The following TMEM132D variants were observed in gnomAD, a reference collection of about 807,000 sequenced individuals.
The protein encoded by TMEM132D is mature OL transmembrane protein.
In TMEM132D, 21 loss-of-function variants were observed where a neutral mutation model predicts 62.3. That is an observed-to-expected ratio of 0.34 (90% CI 0.24 to 0.49). The LOEUF is 0.49. Ranked by LOEUF, TMEM132D falls within the 20% of genes least tolerant of loss-of-function variation. The pLI is 0.99. For missense variants in TMEM132D, 1,346 were observed against 1,402.8 expected (o/e 0.96, Z 0.65); for synonymous variants, 621 against 575.6 (o/e 1.08, Z -1.13).
chr12:129,328,383 C>T (rs980999452), intron 4 of TMEM132D, among the ~76,000 whole-genome samples: 3 of 152,192 alleles, frequency 2.0e-5, no homozygotes, highest in Admixed American at 2.0e-4. Flanking sequence ...AAATGAGTTA[C>T]ATCATAGCTT....
chr12:129,074,871 C>A lies in TMEM132D; in HGVS notation c.2304G>T (p.Lys768Asn), dbSNP rs1165636190. The A allele has an allele frequency of 6.2e-7, 1 of 1,614,018 alleles. No homozygotes were observed. Among genetic ancestry groups the A allele is most frequent in the Non-Finnish European group, 8.5e-7 (1 of 1,180,014 alleles). Residue 768 changes from lysine (K) to asparagine (N), a missense_variant, in exon 9 of 9, where the codon AAG becomes AAT. Lys to Asn is a moderately conservative substitution (Grantham distance 94). Coordinates refer to ENST00000422113, the MANE Select transcript of TMEM132D (RefSeq NM_133448.3). ...AETEGQGTLV[K>N]VEMVISESCQ... ...AGGATTCACTAATAACCATTTCCAC[C>A]TTGACCAGGGTGCCTTGTCCTTCTG... is the stretch of plus-strand genomic sequence containing the variant.
At chr12:129,440,474 C>T (rs1476492289) in intron 3 of TMEM132D, among the ~76,000 whole-genome samples, 1 of 152,150 alleles carries the variant, frequency 6.6e-6, no homozygotes, top group African/African-American at 2.4e-5. Context: ...GATCATGTGG[C>T]GCGTGGAGGC....
At chr12:129,576,995 T>G (rs1241698292) in intron 2 of TMEM132D, among the ~76,000 whole-genome samples, 2 of 151,812 alleles carry the variant, frequency 1.3e-5, no homozygotes, top group Non-Finnish European at 2.9e-5. Flanking sequence ...CTACAGCACA[T>G]CCCAAGCAGT....
At chr12:129,619,112 C>G (rs189832587) in intron 2 of TMEM132D, among the ~76,000 whole-genome samples, 320 of 152,272 alleles carry the variant, frequency 2.1e-3, no homozygotes, top group Non-Finnish European at 2.5e-3. Context: ...TCTTATCAGA[C>G]TTAAGGTCAG....
chr12:129,426,865 A>G (rs538903787), intron 3 of TMEM132D, among the ~76,000 whole-genome samples: 46 of 152,350 alleles, frequency 3.0e-4, no homozygotes, highest in African/African-American at 1.1e-3. Flanking sequence ...CTGTGCATGC[A>G]GCACGCCTTC....
chr12:129,702,836 G>A (rs1352955844), intron 1 of TMEM132D, among the ~76,000 whole-genome samples: 1 of 152,234 alleles, frequency 6.6e-6, no homozygotes. Context: ...TGTGGATTAT[G>A]CTTTTTATGT....
At chr12:129,418,481 G>A (rs548811041) in intron 3 of TMEM132D, among the ~76,000 whole-genome samples, 159 of 152,150 alleles carry the variant, frequency 1.0e-3, no homozygotes, top group Middle Eastern at 3.4e-3. Flanking sequence ...AACACCACAC[G>A]TTCTCACTCA....
chr12:129,429,164 C>T (rs960610403), intron 3 of TMEM132D, among the ~76,000 whole-genome samples: 1 of 149,730 alleles, frequency 6.7e-6, no homozygotes, highest in Non-Finnish European at 1.5e-5. Flanking sequence ...GTCCAAAGTC[C>T]TTCAAGTTCC....
At chr12:129,528,467 T>C (rs1212481393) in intron 3 of TMEM132D, among the ~76,000 whole-genome samples, 1 of 150,012 alleles carries the variant, frequency 6.7e-6, no homozygotes, top group African/African-American at 2.4e-5. Flanking sequence ...ACAGTTCAAA[T>C]GGTTCACTGT....
At chr12:129,715,515 C>T (rs116498785) in intron 1 of TMEM132D, among the ~76,000 whole-genome samples, 1,772 of 152,236 alleles carry the variant, frequency 0.012, 41 homozygotes, top group African/African-American at 0.039. Context: ...TGTAGATAAC[C>T]GATACCAATT....
intron 1 of TMEM132D, among the ~76,000 whole-genome samples, chr12:129,790,630 G>T (rs1478694707): frequency 6.6e-6 from 1 of 152,156 alleles, no homozygotes; most frequent in Admixed American, 6.5e-5. Flanking sequence ...GGATGGGGGG[G>T]CAGGGCAGGC....
At chr12:129,563,885 C>A (rs554306651) in intron 2 of TMEM132D, among the ~76,000 whole-genome samples, 2 of 152,058 alleles carry the variant, frequency 1.3e-5, no homozygotes, top group African/African-American at 4.8e-5. Context: ...GCTGACATGG[C>A]GGTACTGCAT....
At chr12:129,567,215 A>T (rs1877390156) in intron 2 of TMEM132D, among the ~76,000 whole-genome samples, 1 of 152,238 alleles carries the variant, frequency 6.6e-6, no homozygotes, top group Non-Finnish European at 1.5e-5. Flanking sequence ...TTAAAAGAAA[A>T]TGTGATTTTT....
At chr12:129,484,931 CT>C (rs1874538989) in intron 3 of TMEM132D, among the ~76,000 whole-genome samples, 1 of 152,164 alleles carries the variant, frequency 6.6e-6, no homozygotes, top group East Asian at 1.9e-4. Context: ...GGGGCTGCCC[CT>C]GGGCCAATGT....
chr12:129,549,973 C>T (rs1876848794), intron 2 of TMEM132D, among the ~76,000 whole-genome samples: 1 of 152,128 alleles, frequency 6.6e-6, no homozygotes, highest in South Asian at 2.1e-4. Flanking sequence ...TGAGGCCTAA[C>T]CTGGATAAAC....
At chr12:129,184,079 C>T (rs898837697) in intron 5 of TMEM132D, among the ~76,000 whole-genome samples, 1 of 152,172 alleles carries the variant, frequency 6.6e-6, no homozygotes, top group African/African-American at 2.4e-5. Flanking sequence ...ACAGTGTGTT[C>T]CTTAGGAACG....
intron 2 of TMEM132D, among the ~76,000 whole-genome samples, chr12:129,631,979 G>A (rs1879356825): frequency 6.6e-6 from 1 of 152,070 alleles, no homozygotes; most frequent in Non-Finnish European, 1.5e-5. Flanking sequence ...CCTATTCCAA[G>A]GAATAAGTAA....
intron 5 of TMEM132D, among the ~76,000 whole-genome samples, chr12:129,179,604 G>A (rs1878008973): frequency 6.6e-6 from 1 of 152,194 alleles, no homozygotes; most frequent in Non-Finnish European, 1.5e-5. Context: ...AACTCACAAC[G>A]AACCACAAAA....
chr12:129,262,913 G>A (rs1254953218), intron 4 of TMEM132D: 1 of 152,530 alleles, frequency 6.6e-6, no homozygotes, highest in Non-Finnish European at 1.5e-5. Flanking sequence ...ATGACCAGGA[G>A]GCTGACAGCA....
Sources: allele counts gnomAD v4.1 joint callset (sites outside exome capture counted in the v4.1 genomes callset), GRCh38; gene constraint gnomAD v4.1.1; transcripts MANE v1.5; gene names NCBI Gene and HGNC (gene_info 2026-07-23, HGNC 2026-07-21).